Variants in WNT6 observed in about 807,000 individuals in gnomAD.
The protein encoded by WNT6 is protein Wnt-6.
In WNT6, 27 loss-of-function variants were observed where a neutral mutation model predicts 33.1. The observed-to-expected ratio is 0.82, with a 90% confidence interval of 0.60 to 1.12. WNT6 has a LOEUF of 1.12. Among genes scored for constraint, WNT6 ranks in the 50% most tolerant of loss-of-function variants. The probability of loss-of-function intolerance (pLI) is 0.00; values close to 1 mark genes in which losing one functional copy is unlikely to be tolerated. For synonymous variants in WNT6, 249 were observed against 242.8 expected (o/e 1.03, Z -0.24); for missense variants, 494 against 535.3 (o/e 0.92, Z 0.76).
chr2:218,864,652 C>T (rs1944338821), intron 1 of WNT6, among the ~76,000 whole-genome samples: 1 of 152,188 alleles, frequency 6.6e-6, no homozygotes, highest in Non-Finnish European at 1.5e-5. Context: ...CTTCCCCCAT[C>T]CCATCTTGTC....
In WNT6 at chr2:218,859,978, G is replaced by A. The variant is rs1401471436; in HGVS notation, c.-60G>A. 4.0e-6 allele frequency: 5 copies of A among 1,263,302 alleles called. No homozygotes were observed. The highest frequency in any genetic ancestry group is 5.0e-6 in the Non-Finnish European group (5 of 999,416). 78.3% of individuals were successfully genotyped at this position (1,263,302 alleles called of 1,614,324 possible). On this transcript the variant is annotated 5_prime_UTR_variant, in exon 1 of 4. Transcript: ENST00000233948. ...CGCACTGAAGCCCGGGCCCTCGCGC[G>A]CCGCGGTTCGCCCCGCAGCCTCGCC... is the stretch of plus-strand genomic sequence containing the variant.
chr2:218,871,129 G>T lies in WNT6; in HGVS notation c.183G>T (p.Val61=), dbSNP rs1366275310. The T allele has an allele frequency of 1.2e-6, 2 of 1,613,860 alleles. No individual in the cohort carries two copies. Among genetic ancestry groups the T allele is most frequent in the Non-Finnish European group, 1.7e-6 (2 of 1,179,948 alleles). ...AGTTGTGCCAGGCTGAGCCGGAAGTGGTGGCAGAGCTAGCTCGGGGCGCCC... is the reference window on the plus strand; with the variant it reads ...AGTTGTGCCAGGCTGAGCCGGAAGTTGTGGCAGAGCTAGCTCGGGGCGCCC... ...QAELCQAEPE[V]VAELARGARL... is the part of the protein sequence containing the mutation. Residue 61 remains valine (V), a synonymous_variant, in exon 2 of 4, where the codon GTG becomes GTT. Coordinates refer to ENST00000233948, the MANE Select transcript of WNT6 (RefSeq NM_006522.4). The surrounding 1 kb of genome is among the most constrained non-coding windows in gnomAD (Gnocchi z 6.4).
In WNT6 at chr2:218,862,703, C is replaced by T. The variant is rs575418464; in HGVS notation, c.80+2586C>T. 7.7e-5 allele frequency among the ~76,000 whole-genome samples: 11 copies of T among 142,464 alleles called. No homozygotes were observed. The East Asian group carries it at 2.4e-3, about 32-fold the overall frequency. The allele number at this position is 142,464 out of a possible 152,430, so 93.5% of individuals were successfully genotyped here. A position where few individuals can be genotyped will look rare whatever the true frequency, so the allele number is the denominator to read the frequency against. On this transcript the variant is annotated intron_variant, in intron 1 of 3. Transcript: ENST00000233948. Reference sequence around the variant, plus strand: ...GCATTACCATGCCCAGCCTATTTTACTTTTTATTTTTTATTTTTTTGAGAC... The same window carrying T: ...GCATTACCATGCCCAGCCTATTTTATTTTTTATTTTTTATTTTTTTGAGAC...
At position 218,871,641 on chromosome 2, in the gene WNT6, G is replaced by C; in HGVS notation, c.458G>C (p.Gly153Ala). The C allele has an allele frequency of 8.1e-6, 12 of 1,486,482 alleles. No individual in the cohort carries two copies. Among genetic ancestry groups the C allele is most frequent in the African/African-American group, 1.5e-5 (1 of 68,862 alleles). The allele number at this position is 1,486,482 out of a possible 1,614,324, so 92.1% of individuals were successfully genotyped here. The change falls in exon 3 of 4, where the codon GGA becomes GCA. Residue 153 changes from glycine to alanine, a missense_variant. Gly to Ala is a moderately conservative substitution (Grantham distance 60, BLOSUM62 0). Transcript: ENST00000233948. The surrounding 1 kb of genome is among the most constrained non-coding windows in gnomAD (Gnocchi z 6.4). ...PRPSGLPGTPGPPGPAGSPEG... is the reference protein window; with the variant it reads ...PRPSGLPGTPAPPGPAGSPEG... ...CCCTCCGGCCTGCCCGGCACCCCCG[G>C]ACCCCCTGGCCCCGCGGGCTCCCCG...
intron 1 of WNT6, among the ~76,000 whole-genome samples, chr2:218,864,925 C>T (rs1227725537): frequency 6.6e-6 from 1 of 152,238 alleles, no homozygotes; most frequent in Non-Finnish European, 1.5e-5. Context: ...GTTGGCCATC[C>T]ATTCCCCCCT....
Position 218,871,729 on chromosome 2 carries a change from G to A in WNT6, c.546G>A (p.Lys182=), listed in dbSNP as rs961898836. The change falls in exon 3 of 4, where the codon AAG becomes AAA. Residue 182 remains lysine (K), a synonymous_variant. Transcript: ENST00000233948. The surrounding 1 kb of genome is among the most constrained non-coding windows in gnomAD (Gnocchi z 6.4). ...CGDDVDFGDE[K]SRLFMDARHK... is the part of the protein sequence containing the mutation. ...ACGACGTGGACTTCGGGGACGAGAA[G>A]TCGAGGCTCTTTATGGACGCGCGGC... 8.8e-6 allele frequency: 14 copies of A among 1,599,564 alleles called. No homozygotes were observed. Among genetic ancestry groups the A allele is most frequent in the Admixed American group, 1.7e-5 (1 of 59,022 alleles).
intron 1 of WNT6, among the ~76,000 whole-genome samples, chr2:218,868,749 G>A (rs1944374059): frequency 6.6e-6 from 1 of 152,130 alleles, no homozygotes; most frequent in Admixed American, 6.5e-5. Context: ...ATATACTACA[G>A]GTATTACATG....
Position 218,871,820 on chromosome 2 carries a change from G to T in WNT6, c.636+1G>T. ...GCACAACAACGAGGCGGGCAGGCTG[G>T]TGCGTACGGGCAGGATGGAGTGAGT... On this transcript the variant is annotated splice_donor_variant, in intron 3 of 3. Coordinates refer to ENST00000233948, the MANE Select transcript of WNT6 (RefSeq NM_006522.4). LOFTEE classifies it high-confidence loss of function. The surrounding 1 kb of genome is among the most constrained non-coding windows in gnomAD (Gnocchi z 6.4). 2 of 1,583,296 alleles carry T rather than the reference G, an allele frequency of 1.3e-6. No homozygotes were observed. Among genetic ancestry groups the T allele is most frequent in the Non-Finnish European group, 1.7e-6 (2 of 1,166,906 alleles).
At position 218,872,784 on chromosome 2, in the gene WNT6, T is replaced by C. The variant is rs370107776; in HGVS notation, c.637-600T>C. Among the ~76,000 whole-genome samples the C allele has an allele frequency of 7.9e-5, 12 of 152,208 alleles. No homozygotes were observed. In the East Asian group the frequency reaches 1.2e-3, roughly 15 times the overall value. On this transcript the variant is annotated intron_variant, in intron 3 of 3. Transcript: ENST00000233948. ...AGCGGGCCCTCCTGCACCCCATGCC[T>C]CCGTTCTAGCGTTCTCCAGGGACAT...
At chr2:218,868,818 A>G (rs1021961903) in intron 1 of WNT6, among the ~76,000 whole-genome samples, 3 of 152,232 alleles carry the variant, frequency 2.0e-5, no homozygotes, top group African/African-American at 4.8e-5. Context: ...GGGGGAGGAT[A>G]TAAACTAAGT....
intron 3 of WNT6, among the ~76,000 whole-genome samples, chr2:218,872,672 C>T (rs1490465969): frequency 6.6e-6 from 1 of 152,144 alleles, no homozygotes; most frequent in African/African-American, 2.4e-5. Context: ...ACCATCAGCG[C>T]TTGGTGGGTT....
At chr2:218,860,649 C>T (rs1944299890) in intron 1 of WNT6, among the ~76,000 whole-genome samples, 1 of 152,182 alleles carries the variant, frequency 6.6e-6, no homozygotes, top group South Asian at 2.1e-4. Flanking sequence ...TCTACCTCGT[C>T]CTCCCCAAGC....
At chr2:218,868,521 C>G (rs1160785863) in intron 1 of WNT6, among the ~76,000 whole-genome samples, 1 of 152,032 alleles carries the variant, frequency 6.6e-6, no homozygotes, top group Non-Finnish European at 1.5e-5. Flanking sequence ...GCAGAGCCCC[C>G]GACTCACAGG....
chr2:218,873,503 G>A lies in WNT6; in HGVS notation c.756G>A (p.Glu252=), dbSNP rs749108691. The change falls in exon 4 of 4, where the codon GAG becomes GAA. Residue 252 remains glutamate (E), a synonymous_variant. Transcript: ENST00000233948. The surrounding 1 kb of genome is among the most constrained non-coding windows in gnomAD (Gnocchi z 6.1). ...PFREVGARLL[E]RFHGASRVMG... ...GCGAGGTGGGCGCGCGGCTGCTGGA[G>A]CGCTTCCACGGCGCCTCACGCGTCA... 1 of 1,538,584 alleles carries A rather than the reference G, an allele frequency of 6.5e-7. No homozygotes were observed. Among genetic ancestry groups the A allele is most frequent in the South Asian group, 1.2e-5 (1 of 84,018 alleles).
At chr2:218,862,191 A>G (rs1944315232) in intron 1 of WNT6, among the ~76,000 whole-genome samples, 2 of 152,150 alleles carry the variant, frequency 1.3e-5, no homozygotes, top group African/African-American at 2.4e-5. Flanking sequence ...CCACAGCTGC[A>G]GGGCGTGCCG....
At chr2:218,870,148 G>T (rs528404811) in intron 1 of WNT6, among the ~76,000 whole-genome samples, 1 of 152,022 alleles carries the variant, frequency 6.6e-6, no homozygotes, top group Admixed American at 6.5e-5. Flanking sequence ...TTGAACCTGG[G>T]CAGTGGAGGT....
intron 1 of WNT6, among the ~76,000 whole-genome samples, chr2:218,861,163 C>T (rs1185280473): frequency 2.0e-5 from 3 of 152,186 alleles, no homozygotes; most frequent in East Asian, 3.8e-4. Context: ...GAGGCAGATC[C>T]CCGTGCTCTG....
At chr2:218,862,201 G>A (rs980841295) in intron 1 of WNT6, among the ~76,000 whole-genome samples, 17 of 152,126 alleles carry the variant, frequency 1.1e-4, no homozygotes, top group Admixed American at 9.2e-4. Flanking sequence ...AGGGCGTGCC[G>A]GGTGAGGAGT....
At position 218,867,462 on chromosome 2, in the gene WNT6, C is replaced by T. The variant is rs1358764538; in HGVS notation, c.81-3565C>T. 6.6e-6 allele frequency among the ~76,000 whole-genome samples: 1 copy of T among 152,214 alleles called. No individual in the cohort carries two copies. Among genetic ancestry groups the T allele is most frequent in the Admixed American group, 6.5e-5 (1 of 15,288 alleles). On this transcript the variant is annotated intron_variant, in intron 1 of 3. Coordinates refer to ENST00000233948, the MANE Select transcript of WNT6 (RefSeq NM_006522.4). The surrounding 1 kb of genome is among the most constrained non-coding windows in gnomAD (Gnocchi z 4.9). ...CTGGCTGGCCCCTGATACCACCTCC[C>T]TAGGCAATTGATCCTACCAACCATG...
Sources: gnomAD v4.1 joint callset for allele counts (sites outside exome capture counted in the v4.1 genomes callset) on GRCh38, gnomAD v4.1.1 for gene constraint, Gnocchi (gnomAD v3.1) non-coding constraint, MANE v1.5 for transcripts, NCBI Gene and HGNC (gene_info 2026-07-23, HGNC 2026-07-21) for gene names.